FGD3: variants seen among roughly 807,000 people sequenced by gnomAD.
FGD3 encodes the protein FYVE, RhoGEF and PH domain-containing protein 3.
A neutral mutation model predicts 71.8 loss-of-function variants in FGD3; 45 were observed. The observed-to-expected ratio is 0.63, with a 90% CI of 0.49 to 0.80. FGD3 has a LOEUF of 0.80. Ranked by LOEUF, FGD3 falls within the 30% of genes least tolerant of loss-of-function variation. The probability of loss-of-function intolerance (pLI) is 0.00; values close to 1 mark genes in which losing one functional copy is unlikely to be tolerated. For synonymous variants in FGD3, 378 were observed against 392.8 expected, an observed-to-expected ratio of 0.96 and a Z score of 0.44; for missense variants, 844 against 951.5, an observed-to-expected ratio of 0.89 and a Z score of 1.49.
intron 1 of FGD3, among the ~76,000 whole-genome samples, chr9:92,968,607 C>CTTTTTTTTTTTTTTTTTTTTTTT (rs55908030): frequency 7.0e-6 from 1 of 143,032 alleles, no homozygotes. Flanking sequence ...TTCTTTCTTT[C>CTTTTTTTTTTTTTTTTTTTTTTT]TTTTTTTTTT....
intron 1 of FGD3, among the ~76,000 whole-genome samples, chr9:92,948,839 C>T (rs1260524879): frequency 3.9e-5 from 6 of 152,184 alleles, no homozygotes; most frequent in African/African-American, 1.4e-4. Flanking sequence ...GCTTTGGACA[C>T]AACGCCTTCT....
At chr9:92,975,553 G>T (rs1859710032) in intron 2 of FGD3, 148 bp downstream of exon 2, 1 of 152,258 alleles carries the variant, frequency 6.6e-6, no homozygotes, top group Non-Finnish European at 1.5e-5. Context: ...TGAATTTTCT[G>T]TGCACTTATA....
At chr9:92,968,491 A>C (rs946710124) in intron 1 of FGD3, among the ~76,000 whole-genome samples, 1 of 151,998 alleles carries the variant, frequency 6.6e-6, no homozygotes, top group Non-Finnish European at 1.5e-5. Flanking sequence ...ATCCACTCCC[A>C]CAGCAGACAG....
chr9:92,983,474 G>A (rs535305418), intron 3 of FGD3, among the ~76,000 whole-genome samples: 10 of 151,902 alleles, frequency 6.6e-5, no homozygotes, highest in East Asian at 1.9e-4. Context: ...TCAGTGAGCC[G>A]AGATCACACC....
At chr9:93,020,920 G>A (rs778317476) in intron 13 of FGD3, among the ~76,000 whole-genome samples, 38 of 152,336 alleles carry the variant, frequency 2.5e-4, no homozygotes, top group Middle Eastern at 6.8e-3. Flanking sequence ...CGCCCAGCTG[G>A]GCGGGAAAGC....
chr9:92,989,458 C>T (rs185952863), intron 3 of FGD3, among the ~76,000 whole-genome samples: 2 of 152,294 alleles, frequency 1.3e-5, no homozygotes, highest in African/African-American at 2.4e-5. Context: ...TTTTGTAAAC[C>T]AAAAAGTATC....
chr9:93,005,934 C>T, intron 5 of FGD3, 90 bp from the exon 6 acceptor site: 4 of 1,458,228 alleles, frequency 2.7e-6, no homozygotes, highest in Non-Finnish European at 9.2e-7. Context: ...TGGCCTCCAC[C>T]CCACACCCCC....
chr9:92,968,570 G>A (rs1426897185), intron 1 of FGD3, among the ~76,000 whole-genome samples: 1 of 151,462 alleles, frequency 6.6e-6, no homozygotes, highest in Non-Finnish European at 1.5e-5. Flanking sequence ...TCACAAGGTG[G>A]CTTTAATTTT....
rs202124324 is a variant in FGD3, at chr9:93,032,742, G to A, written c.1681-27G>A. On this transcript the variant is annotated intron_variant, in intron 15 of 17. Coordinates refer to ENST00000375482, the MANE Select transcript of FGD3 (RefSeq NM_001083536.2). ...GATAATCCTCTGTCCCAGGGTGCTGGGGTCACACGTGCCCTCTGTTTGGCA... is the reference window on the plus strand; with the variant it reads ...GATAATCCTCTGTCCCAGGGTGCTGAGGTCACACGTGCCCTCTGTTTGGCA... The A allele has an allele frequency of 9.3e-6, 15 of 1,609,238 alleles. No individual in the cohort carries two copies. In the East Asian group the frequency reaches 3.1e-4, roughly 33 times the overall value.
chr9:92,963,385 C>T (rs901382699), intron 1 of FGD3, among the ~76,000 whole-genome samples: 1 of 152,166 alleles, frequency 6.6e-6, no homozygotes, highest in Admixed American at 6.5e-5. Context: ...CTGCAACCTC[C>T]ACCTCTGGGG....
At chr9:93,027,063 G>A (rs1862141088) in intron 14 of FGD3, among the ~76,000 whole-genome samples, 1 of 152,240 alleles carries the variant, frequency 6.6e-6, no homozygotes, top group Admixed American at 6.5e-5. Flanking sequence ...AAACTGCAGA[G>A]GGAGCCCAGG....
chr9:93,035,482 C>A lies in FGD3; in HGVS notation c.2071C>A (p.Gln691Lys), dbSNP rs767799689. The A allele has an allele frequency of 6.2e-7, 1 of 1,613,604 alleles. No individual in the cohort carries two copies. The highest frequency in any genetic ancestry group is 1.7e-5 in the Admixed American group (1 of 60,016). ...CCTGAGCGCCTCCTCCGCAGAGCTGCAGCAGCAGTGGCTGGAAACCCTAAG... is the reference window on the plus strand; with the variant it reads ...CCTGAGCGCCTCCTCCGCAGAGCTGAAGCAGCAGTGGCTGGAAACCCTAAG... ...WYLSASSAEL[Q>K]QQWLETLSTA... The change falls in exon 18 of 18, where the codon CAG (glutamine) becomes AAG (lysine). Residue 691 changes from glutamine to lysine, a missense_variant. Gln to Lys is a moderately conservative substitution (Grantham distance 53). Coordinates refer to ENST00000375482, the MANE Select transcript of FGD3 (RefSeq NM_001083536.2).
At chr9:92,984,145 A>G (rs909887832) in intron 3 of FGD3, among the ~76,000 whole-genome samples, 2 of 152,256 alleles carry the variant, frequency 1.3e-5, no homozygotes, top group Non-Finnish European at 2.9e-5. Flanking sequence ...CCTAGCTGTA[A>G]AGCAGGCAAA....
intron 3 of FGD3, among the ~76,000 whole-genome samples, chr9:92,990,804 T>G (rs1860376271): frequency 6.6e-6 from 1 of 152,354 alleles, no homozygotes; most frequent in South Asian, 2.1e-4. Context: ...TTTCATGTGC[T>G]GTTGGATTTG....
chr9:92,983,653 G>A (rs1860081929), intron 3 of FGD3, among the ~76,000 whole-genome samples: 1 of 152,164 alleles, frequency 6.6e-6, no homozygotes, highest in Non-Finnish European at 1.5e-5. Context: ...GCAGAATAAT[G>A]CTTTAATAAA....
At chr9:92,996,282 T>C (rs1860639792) in intron 3 of FGD3, among the ~76,000 whole-genome samples, 1 of 152,242 alleles carries the variant, frequency 6.6e-6, no homozygotes, top group Non-Finnish European at 1.5e-5. Context: ...GTTTATAGTA[T>C]TTGCTGATGG....
intron 1 of FGD3, among the ~76,000 whole-genome samples, chr9:92,959,656 A>G (rs1859132522): frequency 6.9e-6 from 1 of 144,320 alleles, no homozygotes; most frequent in South Asian, 2.2e-4. Flanking sequence ...ACAGTGAGTC[A>G]TGATCGGTCC....
At chr9:92,950,950 A>G (rs1858943475) in intron 1 of FGD3, among the ~76,000 whole-genome samples, 1 of 152,072 alleles carries the variant, frequency 6.6e-6, no homozygotes, top group African/African-American at 2.4e-5. Context: ...TCTCCCCAAG[A>G]TCTGGCTGCC....
chr9:93,003,889 AAGGTGGCAGCAGCGGCCCCTCCCG>A lies in FGD3; in HGVS notation c.544-109_544-86del. ...ATTCTGAAATTCATTAAGAAAACACAAGGTGGCAGCAGCGGCCCCTCCCGAGCGCCCTCACCTGTGGCCGAAGCG... is the reference window on the plus strand; with the variant it reads ...ATTCTGAAATTCATTAAGAAAACACAAGCGCCCTCACCTGTGGCCGAAGCG... On this transcript the variant is annotated intron_variant, in intron 4 of 17. Transcript: ENST00000375482. The surrounding 1 kb of genome is among the most constrained non-coding windows in gnomAD (Gnocchi z 4.1). The A allele has an allele frequency of 7.8e-7, 1 of 1,275,564 alleles. No individual in the cohort carries two copies. Among genetic ancestry groups the A allele is most frequent in the Non-Finnish European group, 1.1e-6 (1 of 908,724 alleles). The allele number at this position is 1,275,564 out of a possible 1,614,324, so 79.0% of individuals were successfully genotyped here. A position where few individuals can be genotyped will look rare whatever the true frequency, so the allele number is the denominator to read the frequency against.
Sources: gnomAD v4.1 joint callset for allele counts (sites outside exome capture counted in the v4.1 genomes callset) on GRCh38, gnomAD v4.1.1 for gene constraint, Gnocchi (gnomAD v3.1) non-coding constraint, MANE v1.5 for transcripts, NCBI Gene and HGNC (gene_info 2026-07-23, HGNC 2026-07-21) for gene names.